CDH12: variants seen among roughly 807,000 people sequenced by gnomAD.
CDH12 encodes the protein cadherin 12.
In CDH12, 41 loss-of-function variants were observed where a neutral mutation model predicts 74.1. That is an observed-to-expected ratio of 0.55 (90% CI 0.43 to 0.72). The LOEUF (loss-of-function observed/expected upper bound fraction) is 0.72. Among genes scored for constraint, CDH12 ranks in the 30% least tolerant of loss-of-function variants. CDH12 has a pLI of 0.00. For synonymous variants in CDH12, 399 were observed against 355.0 expected, an observed-to-expected ratio of 1.12 and a Z score of -1.39; for missense variants, 945 against 977.2, an observed-to-expected ratio of 0.97 and a Z score of 0.44.
At chr5:22,470,870 T>A (rs1251136064) in intron 2 of CDH12, among the ~76,000 whole-genome samples, 1 of 151,808 alleles carries the variant, frequency 6.6e-6, no homozygotes, top group Admixed American at 6.6e-5. Context: ...GCGCTTTTTT[T>A]TTTTTTTCTT....
At chr5:22,153,903 T>TATATATACACACACAC (rs1478012877) in intron 4 of CDH12, among the ~76,000 whole-genome samples, 3 of 111,134 alleles carry the variant, frequency 2.7e-5, no homozygotes, top group Non-Finnish European at 5.6e-5. Flanking sequence ...TATATATATA[T>TATATATACACACACAC]ACACACACAT....
intron 9 of CDH12, among the ~76,000 whole-genome samples, chr5:21,815,901 T>TA (rs546314918): frequency 6.6e-6 from 1 of 152,276 alleles, no homozygotes; most frequent in South Asian, 2.1e-4. Flanking sequence ...TTTATAGCAA[T>TA]AAAAAATTAG....
chr5:21,855,406 AT>A (rs576469169), intron 6 of CDH12, among the ~76,000 whole-genome samples: 2 of 150,562 alleles, frequency 1.3e-5, no homozygotes, highest in African/African-American at 4.9e-5. Context: ...AGCTTTCCTA[AT>A]TTTTTTTTGG....
intron 1 of CDH12, among the ~76,000 whole-genome samples, chr5:22,668,290 C>A (rs1740722522): frequency 6.6e-6 from 1 of 152,128 alleles, no homozygotes; most frequent in Admixed American, 6.5e-5. Flanking sequence ...AGCCCAACCC[C>A]ACCATACACA....
At chr5:22,327,426 C>CTGTGTGTGTGTGTG (rs1491202419) in intron 3 of CDH12, among the ~76,000 whole-genome samples, 1 of 128,198 alleles carries the variant, frequency 7.8e-6, no homozygotes, top group Admixed American at 7.8e-5. Context: ...AAATTTGTGC[C>CTGTGTGTGTGTGTG]TCTGTGTGTG....
At chr5:22,577,245 T>C (rs1027530593) in intron 1 of CDH12, among the ~76,000 whole-genome samples, 10 of 152,142 alleles carry the variant, frequency 6.6e-5, no homozygotes, top group Non-Finnish European at 1.2e-4. Flanking sequence ...GCATGCAAAG[T>C]GTGTGGGAAG....
intron 6 of CDH12, among the ~76,000 whole-genome samples, chr5:21,961,634 G>A (rs1319661158): frequency 6.6e-6 from 1 of 152,078 alleles, no homozygotes; most frequent in Admixed American, 6.6e-5. Context: ...GTGGCCTTAT[G>A]AAAGGGGGAA....
intron 13 of CDH12, among the ~76,000 whole-genome samples, chr5:21,758,752 A>G (rs947698481): frequency 1.3e-5 from 2 of 152,160 alleles, no homozygotes; most frequent in Admixed American, 6.6e-5. Context: ...GTGGTAGTAG[A>G]AGAATAAGTG....
intron 1 of CDH12, among the ~76,000 whole-genome samples, chr5:22,781,210 G>A (rs1261533097): frequency 2.0e-5 from 3 of 152,162 alleles, no homozygotes; most frequent in African/African-American, 7.2e-5. Flanking sequence ...AATGAATCTT[G>A]ATTTTTCTAA....
At chr5:22,634,338 A>G (rs1738726750) in intron 1 of CDH12, among the ~76,000 whole-genome samples, 1 of 152,074 alleles carries the variant, frequency 6.6e-6, no homozygotes, top group Non-Finnish European at 1.5e-5. Context: ...TGTTCTCTAC[A>G]AAAGATAAAA....
chr5:22,505,380 T>C lies in CDH12; in HGVS notation c.-522-16A>G. On this transcript the variant is annotated splice_polypyrimidine_tract_variant and intron_variant, in intron 1 of 14. Coordinates refer to ENST00000382254, the MANE Select transcript of CDH12 (RefSeq NM_004061.5). ...GGTAACAAAGCTGGAAAGACAAACA[T>C]ATACAGTCAGAATGTTAACTATCTT... is the stretch of plus-strand genomic sequence containing the variant. 1 of 834,322 alleles carries C rather than the reference T, an allele frequency of 1.2e-6. No individual in the cohort carries two copies. Among genetic ancestry groups the C allele is most frequent in the Non-Finnish European group, 1.4e-6 (1 of 692,004 alleles). 51.7% of individuals were successfully genotyped at this position (834,322 alleles called of 1,614,324 possible). A position where few individuals can be genotyped will look rare whatever the true frequency, so the allele number is the denominator to read the frequency against.
At chr5:22,781,727 C>T (rs1366453705) in intron 1 of CDH12, among the ~76,000 whole-genome samples, 1 of 152,078 alleles carries the variant, frequency 6.6e-6, no homozygotes, top group East Asian at 1.9e-4. Context: ...ATGCACTTCC[C>T]ATGAAAGGAT....
chr5:22,428,418 T>A (rs1054184419), intron 2 of CDH12, among the ~76,000 whole-genome samples: 10 of 151,928 alleles, frequency 6.6e-5, no homozygotes, highest in Non-Finnish European at 1.2e-4. Flanking sequence ...TTTCCAAAAT[T>A]TTATAGAGGA....
At chr5:22,607,688 G>T (rs1737187252) in intron 1 of CDH12, among the ~76,000 whole-genome samples, 1 of 152,158 alleles carries the variant, frequency 6.6e-6, no homozygotes, top group Admixed American at 6.5e-5. Flanking sequence ...GCCTAGGAGG[G>T]AAAAATGGTT....
intron 6 of CDH12, among the ~76,000 whole-genome samples, chr5:21,937,392 GA>G: frequency 6.6e-6 from 1 of 152,248 alleles, no homozygotes; most frequent in East Asian, 1.9e-4. Flanking sequence ...ATATTTTGAT[GA>G]AAGAATATAT....
chr5:22,736,700 A>T (rs928190397), intron 1 of CDH12, among the ~76,000 whole-genome samples: 1 of 151,834 alleles, frequency 6.6e-6, no homozygotes, highest in Admixed American at 6.6e-5. Context: ...ATACAACCTG[A>T]AGGCTGAAAG....
intron 11 of CDH12, among the ~76,000 whole-genome samples, chr5:21,772,828 A>G (rs1745394957): frequency 6.6e-6 from 1 of 152,154 alleles, no homozygotes. Context: ...TTAGGTGAAA[A>G]GTTCATCATG....
At chr5:21,826,979 C>G (rs1413870793) in intron 8 of CDH12, among the ~76,000 whole-genome samples, 3 of 152,036 alleles carry the variant, frequency 2.0e-5, no homozygotes, top group Admixed American at 2.0e-4. Context: ...TAAGAGCTCC[C>G]ACCATGACCT....
rs111766896 is a variant in CDH12, at chr5:22,580,927, G to C, written c.-522-75563C>G. ...TGAGAGAGATGATTTAGGATATCTG[G>C]TGGAAGAAATTTCTAAGCAGCAAAG... On this transcript the variant is annotated intron_variant, in intron 1 of 14. Transcript: ENST00000382254. The C allele has an allele frequency of 6.0e-3, 965 of 162,126 alleles. 13 individuals carry two copies. The highest frequency in any genetic ancestry group is 0.022 in the African/African-American group (917 of 41,780). The allele number at this position is 162,126 out of a possible 1,614,324, so 10.0% of individuals were successfully genotyped here. A position where few individuals can be genotyped will look rare whatever the true frequency, so the allele number is the denominator to read the frequency against.
Sources: gnomAD v4.1 joint callset for allele counts (sites outside exome capture counted in the v4.1 genomes callset) on GRCh38, gnomAD v4.1.1 for gene constraint, MANE v1.5 for transcripts, NCBI Gene and HGNC (gene_info 2026-07-23, HGNC 2026-07-21) for gene names.